Variants in RAE1 observed in about 807,000 individuals in gnomAD.
RAE1 encodes the protein ribonucleic acid export 1.
RAE1 carries 13 observed loss-of-function variants against 52.7 expected under a neutral mutation model. The observed-to-expected ratio is 0.25, with a 90% CI of 0.16 to 0.39. The LOEUF (loss-of-function observed/expected upper bound fraction) is 0.39, where lower values mean the gene tolerates loss of function less well. Ranked by LOEUF, RAE1 falls within the 10% of genes least tolerant of loss-of-function variation. RAE1 has a pLI of 1.00. For synonymous variants in RAE1, 164 were observed against 153.1 expected, an observed-to-expected ratio of 1.07 and a Z score of -0.52; for missense variants, 262 against 459.8, an observed-to-expected ratio of 0.57 and a Z score of 3.93.
At chr20:57,373,970 T>C (rs2067074243) in intron 10 of RAE1, among the ~76,000 whole-genome samples, 1 of 152,140 alleles carries the variant, frequency 6.6e-6, no homozygotes, top group African/African-American at 2.4e-5. Flanking sequence ...ATCACCTCAC[T>C]GCAACCTCCG....
At chr20:57,365,297 A>G (rs1359523438) in intron 4 of RAE1, 59 bp from the exon 5 acceptor site, 4 of 1,222,550 alleles carry the variant, frequency 3.3e-6, no homozygotes, top group Non-Finnish European at 4.7e-6. Context: ...ATCTAAATAT[A>G]TATATAGTTA....
At chr20:57,357,050 A>G (rs2066799359) in intron 4 of RAE1, among the ~76,000 whole-genome samples, 1 of 152,234 alleles carries the variant, frequency 6.6e-6, no homozygotes, top group Non-Finnish European at 1.5e-5. Context: ...TGACAGGCAG[A>G]CACACTGCAG....
intron 4 of RAE1, chr20:57,357,437 G>A (rs1195212743): frequency 1.3e-5 from 2 of 152,210 alleles, no homozygotes; most frequent in African/African-American, 4.8e-5. Context: ...TATGTTTGGG[G>A]TGGGATGCTG....
At chr20:57,359,155 A>G (rs1244449219) in intron 4 of RAE1, 3 of 600,544 alleles carry the variant, frequency 5.0e-6, no homozygotes, top group East Asian at 6.8e-5. Flanking sequence ...TGGTAATGCT[A>G]GAGGTGATGT....
intron 8 of RAE1, among the ~76,000 whole-genome samples, chr20:57,370,441 C>T (rs1206351746): frequency 6.6e-6 from 1 of 152,204 alleles, no homozygotes; most frequent in East Asian, 1.9e-4. Flanking sequence ...ACAGACATCT[C>T]CCTAAGCCGC....
At position 57,354,028 on chromosome 20, in the gene RAE1, T is replaced by C. The variant is rs768581097; in HGVS notation, c.-7-4T>C. On this transcript the variant is annotated splice_polypyrimidine_tract_variant and splice_region_variant and intron_variant, in intron 1 of 11. Transcript: ENST00000395841. The stretch of plus-strand genomic sequence containing the variant: ...CATCCTTAACATTTTTCATTACTTT[T>C]TAGGTTCAAAATGAGCCTGTTTGGA... The C allele has an allele frequency of 1.1e-5, 17 of 1,611,670 alleles. No homozygotes were observed. The highest frequency in any genetic ancestry group is 1.4e-5 in the Non-Finnish European group (17 of 1,178,562).
At chr20:57,363,385 C>A (rs1386685400) in intron 4 of RAE1, among the ~76,000 whole-genome samples, 1 of 152,100 alleles carries the variant, frequency 6.6e-6, no homozygotes, top group African/African-American at 2.4e-5. Context: ...TGGTGGCGCA[C>A]ACCTGTAGTC....
At chr20:57,359,030 G>A (rs1373465591) in intron 4 of RAE1, 13 of 1,517,192 alleles carry the variant, frequency 8.6e-6, no homozygotes, top group Admixed American at 6.3e-5. Flanking sequence ...CTGAACCTTC[G>A]TGTGGCCATT....
intron 4 of RAE1, among the ~76,000 whole-genome samples, chr20:57,364,058 C>T (rs979798096): frequency 2.6e-5 from 4 of 152,138 alleles, no homozygotes; most frequent in African/African-American, 4.8e-5. Flanking sequence ...CAGGAAGAGT[C>T]GGAGCTACCC....
chr20:57,364,127 G>A (rs989480879), intron 4 of RAE1, among the ~76,000 whole-genome samples: 3 of 152,172 alleles, frequency 2.0e-5, no homozygotes, highest in African/African-American at 7.2e-5. Context: ...AGTTACCTTG[G>A]AGGCATAAAA....
chr20:57,376,105 C>T (rs781368925), intron 11 of RAE1, among the ~76,000 whole-genome samples: 5 of 152,246 alleles, frequency 3.3e-5, no homozygotes, highest in Non-Finnish European at 7.3e-5. Flanking sequence ...GTGGCTGCAC[C>T]TGAGTCTCCC....
intron 4 of RAE1, among the ~76,000 whole-genome samples, chr20:57,361,252 G>A (rs1397819654): frequency 6.6e-6 from 1 of 152,150 alleles, no homozygotes; most frequent in Non-Finnish European, 1.5e-5. Context: ...CACTTTCAGA[G>A]GGTTATGCTC....
rs879224970 is a variant in RAE1, at chr20:57,366,719, G to A, written c.376-88G>A. The A allele has an allele frequency of 3.4e-5, 43 of 1,272,092 alleles. No homozygotes were observed. In the South Asian group the frequency reaches 4.5e-4, roughly 13 times the overall value. 78.8% of individuals were successfully genotyped at this position (1,272,092 alleles called of 1,614,324 possible). A position where few individuals can be genotyped will look rare whatever the true frequency, so the allele number is the denominator to read the frequency against. On this transcript the variant is annotated intron_variant, in intron 5 of 11. Transcript: ENST00000395841. ...TGGTATGGCCCCAGTATTTAAATTA[G>A]TTTCTTCCCTTTGAATTGCCACAAC...
intron 8 of RAE1, chr20:57,372,510 G>C (rs2067051004): frequency 6.6e-6 from 1 of 152,256 alleles, no homozygotes; most frequent in African/African-American, 2.4e-5. Flanking sequence ...CTGATGACCA[G>C]CCATGGCCTT....
Position 57,373,540 on chromosome 20 carries a change from C to G in RAE1, c.708C>G (p.Ile236Met). 2 of 1,614,072 alleles carry G rather than the reference C, an allele frequency of 1.2e-6. No homozygotes were observed. The highest frequency in any genetic ancestry group is 1.6e-4 in the Middle Eastern group (1 of 6,062). ...CTACTGGTTTTGCCCTGGGAAGTAT[C>G]GAGGGGAGAGTTGCTATTCACTATA... Reference protein sequence around the residue: ...NKPTGFALGSIEGRVAIHYIN... With the variant: ...NKPTGFALGSMEGRVAIHYIN... The change falls in exon 9 of 12, where the codon ATC becomes ATG. Residue 236 changes from isoleucine to methionine, a missense_variant. Transcript: ENST00000395841.
At chr20:57,369,930 G>A (rs1199358786) in intron 8 of RAE1, among the ~76,000 whole-genome samples, 1 of 152,130 alleles carries the variant, frequency 6.6e-6, no homozygotes, top group Non-Finnish European at 1.5e-5. Flanking sequence ...GTCCTGCTAA[G>A]GCCAGTTTTG....
chr20:57,376,563 G>C (rs2067118739), intron 11 of RAE1, among the ~76,000 whole-genome samples: 1 of 152,176 alleles, frequency 6.6e-6, no homozygotes, highest in Admixed American at 6.5e-5. Context: ...TGAATCACTT[G>C]TCCGTTACTT....
At chr20:57,366,172 C>G (rs2066951264) in intron 5 of RAE1, among the ~76,000 whole-genome samples, 1 of 152,154 alleles carries the variant, frequency 6.6e-6, no homozygotes, top group African/African-American at 2.4e-5. Flanking sequence ...AGCTTACTTT[C>G]ACTCGCACAT....
intron 4 of RAE1, among the ~76,000 whole-genome samples, chr20:57,363,888 G>A (rs962821557): frequency 1.3e-5 from 2 of 152,174 alleles, no homozygotes; most frequent in African/African-American, 4.8e-5. Context: ...GTGGAAAATT[G>A]TGATGACTAG....
Sources: allele counts gnomAD v4.1 joint callset (sites outside exome capture counted in the v4.1 genomes callset), GRCh38; gene constraint gnomAD v4.1.1; transcripts MANE v1.5; gene names NCBI Gene and HGNC (gene_info 2026-07-23, HGNC 2026-07-21).